Variants in VRK2 observed in about 807,000 individuals in gnomAD.
VRK2 encodes the protein VRK serine/threonine kinase 2, also known as serine/threonine-protein kinase VRK2.
A neutral mutation model predicts 57.6 loss-of-function variants in VRK2; 60 were observed. The ratio of observed to expected loss-of-function variants is 1.04; its 90% CI spans 0.85 to 1.29. VRK2 has a LOEUF of 1.29. Among genes scored for constraint, VRK2 ranks in the 50% most tolerant of loss-of-function variants. The pLI, the probability that VRK2 is intolerant of heterozygous loss-of-function variation, is 0.00. For missense variants in VRK2, 705 were observed against 588.1 expected (o/e 1.20, Z -2.06); for synonymous variants, 231 against 199.2 (o/e 1.16, Z -1.35).
At chr2:58,147,510 CCTTA>C (rs1259231518) in intron 12 of VRK2, among the ~76,000 whole-genome samples, 2 of 151,728 alleles carry the variant, frequency 1.3e-5, no homozygotes, top group East Asian at 1.9e-4. Context: ...CTTTTTCAAC[CCTTA>C]CTTAAGTCCA....
intron 1 of VRK2, among the ~76,000 whole-genome samples, chr2:57,927,911 A>G (rs941743717): frequency 6.6e-6 from 1 of 152,158 alleles, no homozygotes; most frequent in Non-Finnish European, 1.5e-5. Flanking sequence ...CTGCTGCCAG[A>G]TGTATTGAAG....
chr2:58,075,863 A>ACTT (rs201796822), intron 2 of VRK2, among the ~76,000 whole-genome samples: 11,945 of 152,162 alleles, frequency 0.079, 495 homozygotes, highest in South Asian at 0.12. Context: ...GGCTTATAGT[A>ACTT]AAACTCTGCC....
Position 58,089,732 on chromosome 2 carries a change from A to G in VRK2, c.543+9A>G, listed in dbSNP as rs546439628. 4.0e-5 allele frequency: 64 copies of G among 1,586,368 alleles called. 2 individuals carry two copies. The South Asian group carries it at 6.6e-4, about 16-fold the overall frequency. ...ACAAAAATCCAGACCAGGTAAATAC[A>G]TACTTTTGCTTTTAATAAAGGTCTT... On this transcript the variant is annotated intron_variant, in intron 7 of 12. Coordinates refer to ENST00000340157, the MANE Select transcript of VRK2 (RefSeq NM_006296.7).
chr2:58,004,402 G>A (rs1673182118), intron 1 of VRK2, among the ~76,000 whole-genome samples: 1 of 152,098 alleles, frequency 6.6e-6, no homozygotes. Context: ...ACTTGTAAAT[G>A]AGCCTCTTAC....
In VRK2 at chr2:57,959,371, A is replaced by G. The variant is rs1671684738; in HGVS notation, c.-439+51532A>G. ...TAGGAACAAAAGAAACAGACAGAAC[A>G]AAGCCTTTTTTTCTCTTTTTTTCCT... On this transcript the variant is annotated intron_variant, in intron 1 of 15. Transcript: ENST00000417641. Among the ~76,000 whole-genome samples the G allele has an allele frequency of 2.0e-5, 3 of 152,340 alleles. No homozygotes were observed. In the South Asian group the frequency reaches 6.2e-4, roughly 32 times the overall value.
At chr2:57,978,820 A>G (rs1418980274) in intron 1 of VRK2, among the ~76,000 whole-genome samples, 1 of 150,128 alleles carries the variant, frequency 6.7e-6, no homozygotes, top group Non-Finnish European at 1.5e-5. Flanking sequence ...ACCCTACAAC[A>G]GGCCCTGGTG....
intron 1 of VRK2, among the ~76,000 whole-genome samples, chr2:57,970,806 C>G (rs1176387405): frequency 6.6e-6 from 1 of 151,890 alleles, no homozygotes; most frequent in Non-Finnish European, 1.5e-5. Context: ...TAATTCTACT[C>G]TCTTCTCCCT....
chr2:58,123,949 T>C (rs1346858506), intron 8 of VRK2, among the ~76,000 whole-genome samples: 5 of 152,180 alleles, frequency 3.3e-5, no homozygotes, highest in South Asian at 4.1e-4. Flanking sequence ...AGCAGTAAGG[T>C]TATTTTTTCT....
chr2:58,055,052 T>C (rs1676312220), intron 2 of VRK2, among the ~76,000 whole-genome samples: 1 of 152,168 alleles, frequency 6.6e-6, no homozygotes, highest in Admixed American at 6.5e-5. Flanking sequence ...GCCAGAAACA[T>C]CTACAGATGC....
chr2:58,076,439 A>G (rs1386932562), intron 2 of VRK2, among the ~76,000 whole-genome samples: 2 of 151,982 alleles, frequency 1.3e-5, no homozygotes, highest in Admixed American at 1.3e-4. Context: ...CACTAGCTTG[A>G]GAAAAGTTCA....
chr2:57,973,608 G>T (rs994244607), intron 1 of VRK2, among the ~76,000 whole-genome samples: 1 of 151,666 alleles, frequency 6.6e-6, no homozygotes, highest in Non-Finnish European at 1.5e-5. Context: ...TAATTATCTA[G>T]CAGCACTGTC....
intron 2 of VRK2, among the ~76,000 whole-genome samples, chr2:58,050,282 C>T (rs1036787215): frequency 6.6e-6 from 1 of 152,006 alleles, no homozygotes; most frequent in Non-Finnish European, 1.5e-5. Context: ...CTTCAAAATC[C>T]AAGGTGTATC....
intron 7 of VRK2, among the ~76,000 whole-genome samples, chr2:58,095,487 A>G (rs1411512246): frequency 6.6e-6 from 1 of 151,962 alleles, no homozygotes; most frequent in African/African-American, 2.4e-5. Flanking sequence ...CTAGTTTTGC[A>G]TATTTCTTAT....
chr2:57,933,830 CCTTT>C (rs747474441), intron 1 of VRK2, among the ~76,000 whole-genome samples: 4 of 152,106 alleles, frequency 2.6e-5, no homozygotes, highest in Middle Eastern at 6.8e-3. Flanking sequence ...TCGCTGTCTT[CCTTT>C]GTGATTTGAT....
chr2:58,032,600 AT>A (rs34746882), intron 2 of VRK2, among the ~76,000 whole-genome samples: 16,514 of 152,110 alleles, frequency 0.11, 1,008 homozygotes, highest in African/African-American at 0.16. Context: ...CCTCTCAAGA[AT>A]TAAGTGTAGA....
In VRK2 at chr2:58,011,260, CAG is replaced by C. The variant is rs556120894; in HGVS notation, c.-438-14401_-438-14400del. Among the ~76,000 whole-genome samples the C allele has an allele frequency of 2.6e-3, 396 of 152,304 alleles. 2 individuals are homozygous for C. The highest frequency in any genetic ancestry group is 0.01 in the Middle Eastern group (3 of 294). On this transcript the variant is annotated intron_variant, in intron 1 of 15. Coordinates refer to the VRK2 transcript ENST00000417641. ...CAAAACTTCAGCCATATTGGTTAGA[CAG>C]AGATGAAAAACTGGATTGGTCACAG...
chr2:58,069,645 T>G (rs1456132188), intron 2 of VRK2, among the ~76,000 whole-genome samples: 1 of 152,174 alleles, frequency 6.6e-6, no homozygotes, highest in Admixed American at 6.6e-5. Flanking sequence ...CTTGAGAGTT[T>G]CAGATCTCTG....
intron 2 of VRK2, 131 bp downstream of exon 2, chr2:58,049,098 T>G: frequency 3.4e-6 from 4 of 1,174,420 alleles, no homozygotes; most frequent in Non-Finnish European, 4.7e-6. Flanking sequence ...TTGTACTCGA[T>G]TAAGTAATAA....
chr2:58,046,678 T>A, upstream of VRK2: 1 of 985,532 alleles, frequency 1.0e-6, no homozygotes, highest in Non-Finnish European at 1.2e-6. Flanking sequence ...CTGCGGCCTG[T>A]GTGAGGCTCC....
Sources: allele counts gnomAD v4.1 joint callset (sites outside exome capture counted in the v4.1 genomes callset), GRCh38; gene constraint gnomAD v4.1.1; transcripts MANE v1.5; gene names NCBI Gene and HGNC (gene_info 2026-07-23, HGNC 2026-07-21).